Variants in ATF6 observed in about 807,000 individuals in gnomAD.
ATF6 encodes the protein activating transcription factor 6, also known as cyclic AMP-dependent transcription factor ATF-6 alpha.
In ATF6, 53 loss-of-function variants were observed where a neutral mutation model predicts 83.6. The ratio of observed to expected loss-of-function variants is 0.63; its 90% CI spans 0.51 to 0.80. The LOEUF (loss-of-function observed/expected upper bound fraction) is 0.80. ATF6 is among the 30% of genes least tolerant of loss of function. ATF6 has a pLI of 0.00. For synonymous variants in ATF6, 288 were observed against 285.8 expected (o/e 1.01, Z -0.08); for missense variants, 744 against 797.9 (o/e 0.93, Z 0.81).
intron 14 of ATF6, among the ~76,000 whole-genome samples, chr1:161,890,008 A>C (rs766143433): frequency 2.0e-5 from 3 of 152,210 alleles, no homozygotes; most frequent in Non-Finnish European, 4.4e-5. Context: ...ATTTTCCCTC[A>C]TTCTGTTTCT....
intron 14 of ATF6, among the ~76,000 whole-genome samples, chr1:161,880,687 A>G (rs186159226): frequency 2.2e-4 from 34 of 152,278 alleles, no homozygotes; most frequent in South Asian, 2.1e-4. Context: ...AGCTACTACA[A>G]ACAAAGCAAC....
chr1:161,896,416 C>T (rs534857194), intron 14 of ATF6, among the ~76,000 whole-genome samples: 1 of 152,316 alleles, frequency 6.6e-6, no homozygotes, highest in South Asian at 2.1e-4. Context: ...GATGATTATA[C>T]ATTTGTATAT....
intron 12 of ATF6, among the ~76,000 whole-genome samples, chr1:161,854,467 G>A (rs1203366324): frequency 6.6e-6 from 1 of 152,254 alleles, no homozygotes; most frequent in African/African-American, 2.4e-5. Flanking sequence ...CCAAACTACT[G>A]TTAGAAAGAC....
In ATF6 at chr1:161,778,743, A is replaced by G. The variant is rs114277125; in HGVS notation, c.159+423A>G. ...AGTCCTTTTTAAAAGTTGTGTATTC[A>G]TGTAGAAAGCTCTGAAAAGTAGGTG... is the stretch of plus-strand genomic sequence containing the variant. On this transcript the variant is annotated intron_variant, in intron 2 of 15. Coordinates refer to ENST00000367942, the MANE Select transcript of ATF6 (RefSeq NM_007348.4). Among the ~76,000 whole-genome samples the G allele has an allele frequency of 1.9e-3, 283 of 152,288 alleles. 2 individuals are homozygous for G. Among genetic ancestry groups the G allele is most frequent in the Middle Eastern group, 0.014 (4 of 294 alleles).
intron 1 of ATF6, among the ~76,000 whole-genome samples, chr1:161,773,386 C>G (rs1432830136): frequency 6.6e-6 from 1 of 152,006 alleles, no homozygotes; most frequent in African/African-American, 2.4e-5. Flanking sequence ...ATCCGCCTGC[C>G]CACCTTGGCC....
intron 7 of ATF6, among the ~76,000 whole-genome samples, chr1:161,811,403 G>A (rs1352767054): frequency 6.6e-6 from 1 of 152,138 alleles, no homozygotes; most frequent in East Asian, 1.9e-4. Context: ...CCTCCCTTGA[G>A]TATGAGATCT....
intron 1 of ATF6, among the ~76,000 whole-genome samples, chr1:161,769,048 A>G (rs142142833): frequency 9.9e-4 from 151 of 152,288 alleles, no homozygotes; most frequent in African/African-American, 3.4e-3. Flanking sequence ...TTAGAGCAAG[A>G]GTCTTCAAAC....
At chr1:161,907,575 T>C (rs1400601524) in intron 14 of ATF6, among the ~76,000 whole-genome samples, 1 of 152,200 alleles carries the variant, frequency 6.6e-6, no homozygotes, top group African/African-American at 2.4e-5. Context: ...GAAATTATGA[T>C]AGAAATAACA....
intron 9 of ATF6, among the ~76,000 whole-genome samples, chr1:161,830,353 G>A (rs10800036): frequency 6.6e-6 from 1 of 151,644 alleles, no homozygotes; most frequent in Non-Finnish European, 1.5e-5. Flanking sequence ...AATCAATATC[G>A]TGGAAATGGC....
chr1:161,879,112 G>A (rs1257420086), intron 14 of ATF6, among the ~76,000 whole-genome samples: 4 of 152,108 alleles, frequency 2.6e-5, no homozygotes, highest in African/African-American at 9.7e-5. Context: ...CATTATGGTA[G>A]AGGCAAGATG....
chr1:161,901,265 A>G (rs1687780580), intron 14 of ATF6, among the ~76,000 whole-genome samples: 1 of 152,110 alleles, frequency 6.6e-6, no homozygotes, highest in East Asian at 1.9e-4. Context: ...CCATCACCCA[A>G]TAATGAGTAT....
intron 14 of ATF6, among the ~76,000 whole-genome samples, chr1:161,872,349 T>C (rs997999195): frequency 6.6e-5 from 10 of 151,654 alleles, no homozygotes; most frequent in Non-Finnish European, 1.2e-4. Flanking sequence ...TATCATATCT[T>C]TGAAGGTAGT....
At chr1:161,848,608 A>G (rs1288054619) in intron 10 of ATF6, among the ~76,000 whole-genome samples, 1 of 152,156 alleles carries the variant, frequency 6.6e-6, no homozygotes, top group Non-Finnish European at 1.5e-5. Context: ...AGGTAGTGCT[A>G]GTAATAATTA....
chr1:161,821,329 A>C (rs1212802761), intron 9 of ATF6, among the ~76,000 whole-genome samples, 168 bp downstream of exon 9: 1 of 152,196 alleles, frequency 6.6e-6, no homozygotes, highest in Non-Finnish European at 1.5e-5. Context: ...AGCTGGGAGG[A>C]GAGACAAGTA....
intron 9 of ATF6, among the ~76,000 whole-genome samples, chr1:161,833,716 AAAAG>A (rs1222265655): frequency 1.3e-5 from 2 of 152,202 alleles, no homozygotes; most frequent in African/African-American, 4.8e-5. Flanking sequence ...AAAAAGAATA[AAAAG>A]AAACGAACAA....
At chr1:161,849,696 T>C (rs1686567817) in intron 10 of ATF6, among the ~76,000 whole-genome samples, 1 of 133,426 alleles carries the variant, frequency 7.5e-6, no homozygotes, top group African/African-American at 3.9e-5. Flanking sequence ...TCTGCCTAGG[T>C]GACTCATCTA....
intron 14 of ATF6, among the ~76,000 whole-genome samples, chr1:161,893,873 C>G (rs1055064939): frequency 1.3e-5 from 2 of 152,170 alleles, no homozygotes; most frequent in African/African-American, 4.8e-5. Flanking sequence ...CTCAAACTGT[C>G]AAGCTTTATG....
chr1:161,796,619 A>G (rs1409104252), intron 6 of ATF6, among the ~76,000 whole-genome samples: 2 of 152,218 alleles, frequency 1.3e-5, no homozygotes, highest in East Asian at 3.8e-4. Flanking sequence ...ATAAACTCCA[A>G]GTTCATTTTA....
At chr1:161,943,537 G>A (rs1382599937) in intron 15 of ATF6, among the ~76,000 whole-genome samples, 1 of 152,010 alleles carries the variant, frequency 6.6e-6, no homozygotes, top group East Asian at 1.9e-4. Flanking sequence ...CAGCCTCATC[G>A]CCTCCTACTC....
Sources: allele counts gnomAD v4.1 joint callset (sites outside exome capture counted in the v4.1 genomes callset), GRCh38; gene constraint gnomAD v4.1.1; transcripts MANE v1.5; gene names NCBI Gene and HGNC (gene_info 2026-07-23, HGNC 2026-07-21).